Variants in MGST1 observed in about 807,000 individuals in gnomAD.
MGST1 encodes the protein microsomal glutathione S-transferase 1.
In MGST1, 5 loss-of-function variants were observed where a neutral mutation model predicts 8.9. The ratio of observed to expected loss-of-function variants is 0.56; its 90% CI spans 0.29 to 1.19. The LOEUF is 1.19. MGST1 is among the 50% of genes most tolerant of loss of function. MGST1 has a pLI of 0.08. For missense variants in MGST1, 182 were observed against 187.4 expected (o/e 0.97, Z 0.17); for synonymous variants, 54 against 67.8 (o/e 0.80, Z 1.00).
At chr12:16,577,605 G>A (rs1943034555) in intron 4 of MGST1, among the ~76,000 whole-genome samples, 1 of 152,078 alleles carries the variant, frequency 6.6e-6, no homozygotes, top group Non-Finnish European at 1.5e-5. Context: ...AACGTTTGTG[G>A]TATAGTTTTG....
chr12:16,452,787 G>A (rs1297688845), intron 4 of MGST1, among the ~76,000 whole-genome samples: 6 of 151,796 alleles, frequency 4.0e-5, no homozygotes, highest in African/African-American at 1.5e-4. Context: ...AAGCATCCAC[G>A]ACTACGTTTC....
chr12:16,390,176 T>A (rs1012537), intron 1 of MGST1, among the ~76,000 whole-genome samples: 3 of 151,792 alleles, frequency 2.0e-5, no homozygotes, highest in Admixed American at 2.0e-4. Context: ...CTAAACCTTA[T>A]GTAATTTGAG....
At chr12:16,575,458 G>A (rs1185469376) in intron 4 of MGST1, among the ~76,000 whole-genome samples, 1 of 152,096 alleles carries the variant, frequency 6.6e-6, no homozygotes, top group Non-Finnish European at 1.5e-5. Flanking sequence ...ACGAAATTTG[G>A]TCAATTATGT....
chr12:16,427,368 A>G (rs947797956), intron 1 of MGST1, among the ~76,000 whole-genome samples: 5 of 152,232 alleles, frequency 3.3e-5, no homozygotes, highest in African/African-American at 7.2e-5. Flanking sequence ...AGCAATAGGC[A>G]TTTAAATAAT....
intron 4 of MGST1, among the ~76,000 whole-genome samples, chr12:16,495,601 G>A (rs1406478738): frequency 2.0e-5 from 3 of 151,754 alleles, no homozygotes; most frequent in East Asian, 1.9e-4. Context: ...AGTCTAAGAG[G>A]ATAAATTTTC....
intron 1 of MGST1, chr12:16,400,052 C>T: frequency 2.5e-6 from 4 of 1,578,496 alleles, no homozygotes; most frequent in Non-Finnish European, 3.5e-6. Context: ...TCCAGTTCCT[C>T]CTTAGTTAGA....
At chr12:16,558,965 T>TCA (rs1175066627) in intron 4 of MGST1, among the ~76,000 whole-genome samples, 1 of 152,146 alleles carries the variant, frequency 6.6e-6, no homozygotes. Context: ...ATACTCAAGA[T>TCA]CACACAGCTA....
At chr12:16,373,038 A>C (rs1023262123) in intron 3 of MGST1, among the ~76,000 whole-genome samples, 3 of 148,798 alleles carry the variant, frequency 2.0e-5, no homozygotes, top group Non-Finnish European at 3.0e-5. Flanking sequence ...TATGTGTTAC[A>C]TAATGGAATA....
Position 16,413,911 on chromosome 12 carries a change from A to G in MGST1, n.779-23477A>G, listed in dbSNP as rs1423796944. 1.3e-5 allele frequency among the ~76,000 whole-genome samples: 2 copies of G among 152,196 alleles called. No homozygotes were observed. The highest frequency in any genetic ancestry group is 2.1e-4 in the South Asian group (1 of 4,826). ...TATTAATATGAATATGTGAATGTAT[A>G]TTATTTTCTTCTTACAAACATAATA... On this transcript the variant is annotated intron_variant and non_coding_transcript_variant, in intron 1 of 1. Coordinates refer to the MGST1 transcript ENST00000359720. This position sits in a 1 kb window ranked among gnomAD's most constrained non-coding sequence, Gnocchi z 4.0.
At chr12:16,551,243 A>T (rs1305243387) in intron 4 of MGST1, 2 of 1,610,848 alleles carry the variant, frequency 1.2e-6, no homozygotes, top group East Asian at 4.5e-5. Flanking sequence ...GGGGTGCATA[A>T]CCTTCTTTCA....
chr12:16,398,893 T>C (rs1248245210), intron 1 of MGST1, among the ~76,000 whole-genome samples: 1 of 152,172 alleles, frequency 6.6e-6, no homozygotes, highest in Non-Finnish European at 1.5e-5. Context: ...AGAACCATGA[T>C]ATGGGTTATT....
At chr12:16,592,610 A>AG (rs1943528672), downstream of MGST1, among the ~76,000 whole-genome samples, 1 of 151,972 alleles carries the variant, frequency 6.6e-6, no homozygotes, top group African/African-American at 2.4e-5. Flanking sequence ...ACAGGTACTG[A>AG]TCCACTCATG....
chr12:16,582,338 T>C lies in MGST1; in HGVS notation n.483-7190T>C, dbSNP rs1253360554. Among the ~76,000 whole-genome samples the C allele has an allele frequency of 6.6e-6, 1 of 152,228 alleles. No individual in the cohort carries two copies. Among genetic ancestry groups the C allele is most frequent in the Admixed American group, 6.5e-5 (1 of 15,288 alleles). On this transcript the variant is annotated intron_variant and non_coding_transcript_variant, in intron 4 of 4. Transcript: ENST00000538857. This position sits in a 1 kb window ranked among gnomAD's most constrained non-coding sequence, Gnocchi z 4.1. ...CTAGAAAACATCTTACCTGTTCCTATAGTATTATTCATTTTAGACAGTGAC... is the reference window on the plus strand; with the variant it reads ...CTAGAAAACATCTTACCTGTTCCTACAGTATTATTCATTTTAGACAGTGAC...
chr12:16,523,452 C>T (rs1053444648), intron 4 of MGST1, among the ~76,000 whole-genome samples: 1 of 152,004 alleles, frequency 6.6e-6, no homozygotes, highest in African/African-American at 2.4e-5. Context: ...TCACTCTCCT[C>T]CTACCTCTTC....
chr12:16,419,644 A>G (rs763105307), intron 1 of MGST1, among the ~76,000 whole-genome samples: 14 of 152,198 alleles, frequency 9.2e-5, no homozygotes, highest in Non-Finnish European at 1.9e-4. Flanking sequence ...AACAATTGAG[A>G]TACTTGGGAT....
intron 1 of MGST1, chr12:16,349,224 T>C (rs1939343569): frequency 6.6e-6 from 1 of 152,234 alleles, no homozygotes; most frequent in Non-Finnish European, 1.5e-5. Flanking sequence ...CCCAGATTAT[T>C]CATGTGTTTC....
chr12:16,496,935 A>G lies in MGST1; in HGVS notation n.483-92593A>G, dbSNP rs35696749. 4.0e-3 allele frequency among the ~76,000 whole-genome samples: 612 copies of G among 152,294 alleles called. 1 individual carries two copies. The highest frequency in any genetic ancestry group is 7.1e-3 in the Non-Finnish European group (483 of 67,994). On this transcript the variant is annotated intron_variant and non_coding_transcript_variant, in intron 4 of 4. Coordinates refer to the MGST1 transcript ENST00000538857. ...CTATAAGACCTTTTACAAAATTTGCATAATTGAAAAAGCACTGACAAACCA... is the reference window on the plus strand; with the variant it reads ...CTATAAGACCTTTTACAAAATTTGCGTAATTGAAAAAGCACTGACAAACCA...
At chr12:16,592,351 G>C (rs964421711), downstream of MGST1, among the ~76,000 whole-genome samples, 2 of 151,916 alleles carry the variant, frequency 1.3e-5, no homozygotes, top group African/African-American at 4.8e-5. Flanking sequence ...CTAATAAATG[G>C]TCACAGAAAA....
At chr12:16,406,395 G>T (rs1940698179) in intron 1 of MGST1, among the ~76,000 whole-genome samples, 1 of 152,156 alleles carries the variant, frequency 6.6e-6, no homozygotes. Context: ...ACAAAACGCT[G>T]CTCAAGGAAA....
Sources: allele counts gnomAD v4.1 joint callset (sites outside exome capture counted in the v4.1 genomes callset), GRCh38; gene constraint gnomAD v4.1.1; non-coding constraint Gnocchi (gnomAD v3.1); transcripts MANE v1.5; gene names NCBI Gene and HGNC (gene_info 2026-07-23, HGNC 2026-07-21).